STK32B: variants seen among roughly 807,000 people sequenced by gnomAD.
STK32B encodes the protein serine/threonine-protein kinase 32B.
Under a neutral mutation model 52.6 loss-of-function variants are expected in STK32B, and 43 were observed. That is an observed-to-expected ratio of 0.82 (90% CI 0.64 to 1.05). The LOEUF (loss-of-function observed/expected upper bound fraction) is 1.05. Ranked by LOEUF, STK32B falls within the 50% of genes least tolerant of loss-of-function variation. The probability of loss-of-function intolerance (pLI) is 0.00; values close to 1 mark genes in which losing one functional copy is unlikely to be tolerated. For missense variants in STK32B, 621 were observed against 534.6 expected (o/e 1.16, Z -1.59); for synonymous variants, 238 against 204.3 (o/e 1.17, Z -1.41).
Position 5,398,156 on chromosome 4 carries a change from C to T in STK32B, c.435-51C>T. ...CTGATGTGGTGCTTGTCTATGTGCT[C>T]ATCTGTGGGCTCAGGAACCACATTG... On this transcript the variant is annotated intron_variant, in intron 4 of 11. Coordinates refer to ENST00000282908, the MANE Select transcript of STK32B (RefSeq NM_018401.3). The surrounding 1 kb of genome is among the most constrained non-coding windows in gnomAD (Gnocchi z 4.9). The T allele has an allele frequency of 6.2e-7, 1 of 1,607,954 alleles. No individual in the cohort carries two copies. The highest frequency in any genetic ancestry group is 8.5e-7 in the Non-Finnish European group (1 of 1,176,078).
intron 1 of STK32B, among the ~76,000 whole-genome samples, chr4:5,080,084 G>T (rs184194664): frequency 1.3e-5 from 2 of 149,320 alleles, no homozygotes; most frequent in Non-Finnish European, 3.0e-5. Flanking sequence ...TTGTAGCCAG[G>T]TCTCAGCACA....
At chr4:5,274,651 C>T (rs78328604) in intron 3 of STK32B, among the ~76,000 whole-genome samples, 1 of 152,078 alleles carries the variant, frequency 6.6e-6, no homozygotes, top group South Asian at 2.1e-4. Context: ...GCATATAAAC[C>T]CCGGCATTGG....
chr4:5,417,328 T>G (rs917437146), intron 6 of STK32B, among the ~76,000 whole-genome samples: 4 of 152,240 alleles, frequency 2.6e-5, no homozygotes, highest in Non-Finnish European at 4.4e-5. Flanking sequence ...TAAATGGTTT[T>G]TTAAGGAATT....
In STK32B at chr4:5,258,694, T is replaced by C. The variant is rs889016496; in HGVS notation, c.261-72526T>C. ...AGCATCTCCCCAGCTTCCACCCTGG[T>C]TCAAGTCACCATCACCTCTCTCCTG... On this transcript the variant is annotated intron_variant, in intron 3 of 11. Transcript: ENST00000282908. Among the ~76,000 whole-genome samples, 6 of 152,124 alleles carry C rather than the reference T, an allele frequency of 3.9e-5. No individual in the cohort carries two copies. In the East Asian group the frequency reaches 7.7e-4, roughly 20 times the overall value.
intron 2 of STK32B, among the ~76,000 whole-genome samples, chr4:5,141,053 A>G (rs1023907800): frequency 1.3e-5 from 2 of 152,208 alleles, no homozygotes; most frequent in African/African-American, 4.8e-5. Context: ...CTGAGCTATC[A>G]ATAGGGTAGC....
intron 6 of STK32B, among the ~76,000 whole-genome samples, chr4:5,441,520 GTCTA>G (rs1374275268): frequency 3.3e-5 from 5 of 150,922 alleles, no homozygotes; most frequent in South Asian, 2.2e-4. Context: ...CTTGCTAGCA[GTCTA>G]TCTATTTTGT....
At chr4:5,145,967 A>C (rs1366834215) in intron 2 of STK32B, among the ~76,000 whole-genome samples, 2 of 152,092 alleles carry the variant, frequency 1.3e-5, no homozygotes, top group African/African-American at 4.8e-5. Context: ...TACTTTCTAA[A>C]AGTTTTATAG....
chr4:5,211,489 A>G (rs1292344544), intron 3 of STK32B, among the ~76,000 whole-genome samples: 1 of 149,454 alleles, frequency 6.7e-6, no homozygotes, highest in African/African-American at 2.4e-5. Context: ...ACAAGGAAAG[A>G]GCCAAACCAC....
At chr4:5,139,697 T>C in intron 1 of STK32B, 1 of 579,630 alleles carries the variant, frequency 1.7e-6, no homozygotes, top group Non-Finnish European at 3.1e-6. Context: ...AAGGGAAGGC[T>C]TCAGATGGAC....
chr4:5,238,700 T>C (rs564353124), intron 3 of STK32B, among the ~76,000 whole-genome samples: 1 of 152,252 alleles, frequency 6.6e-6, no homozygotes, highest in Admixed American at 6.5e-5. Flanking sequence ...AAGGCCAGCG[T>C]TTAGAATCAG....
At chr4:5,483,652 CT>C (rs1488627038) in intron 11 of STK32B, among the ~76,000 whole-genome samples, 1 of 152,052 alleles carries the variant, frequency 6.6e-6, no homozygotes, top group African/African-American at 2.4e-5. Context: ...TTTGCTCTTG[CT>C]TTTCTAGTTC....
At chr4:5,310,292 C>T (rs1201167947) in intron 3 of STK32B, among the ~76,000 whole-genome samples, 3 of 152,106 alleles carry the variant, frequency 2.0e-5, no homozygotes, top group Non-Finnish European at 4.4e-5. Context: ...ATTCAACTGA[C>T]AAGGGGTTAA....
intron 3 of STK32B, among the ~76,000 whole-genome samples, chr4:5,214,823 A>G (rs567031738): frequency 2.7e-5 from 4 of 145,462 alleles, no homozygotes; most frequent in South Asian, 2.1e-4. Context: ...AAATGCTCCA[A>G]ATTTTTGTTT....
chr4:5,019,398 T>C, the STK32B span: 9 of 1,491,778 alleles, frequency 6.0e-6, no homozygotes, highest in South Asian at 9.3e-5. Context: ...CGGCGGGGGC[T>C]CCCGCCAGGA....
In STK32B at chr4:5,238,976, G is replaced by A. The variant is rs28385525; in HGVS notation, c.260+70526G>A. ...AGAGGCATTCCTTAATGCTTTTAGA[G>A]AGATTTGGGAGGTGTCCAGAAGACA... On this transcript the variant is annotated intron_variant, in intron 3 of 11. Transcript: ENST00000282908. Among the ~76,000 whole-genome samples, 528 of 152,370 alleles carry A rather than the reference G, an allele frequency of 3.5e-3. 4 individuals carry two copies. The highest frequency in any genetic ancestry group is 0.017 in the Middle Eastern group (5 of 294).
rs1560101896 is a variant in STK32B, at chr4:5,499,752, T to TTTAG, written c.*672_*675dup. 1 of 152,304 alleles carries TTTAG rather than the reference T, an allele frequency of 6.6e-6. No individual in the cohort carries two copies. The highest frequency in any genetic ancestry group is 1.5e-5 in the Non-Finnish European group (1 of 68,140). 9.4% of individuals were successfully genotyped at this position (152,304 alleles called of 1,614,324 possible). ...TCATTTAAGAAGACTATCCTTACCT[T>TTTAG]TTAGTTTCAGCAGTCCTCACCACCA... On this transcript the variant is annotated 3_prime_UTR_variant, in exon 12 of 12. Coordinates refer to ENST00000282908, the MANE Select transcript of STK32B (RefSeq NM_018401.3).
At chr4:5,185,810 C>A (rs12650617) in intron 3 of STK32B, among the ~76,000 whole-genome samples, 39,978 of 152,112 alleles carry the variant, frequency 0.26, 5,384 homozygotes, top group East Asian at 0.35. Context: ...GCTCCCGAAG[C>A]CCTCAGAATG....
chr4:5,052,163 A>T (rs1054045613), intron 1 of STK32B, among the ~76,000 whole-genome samples: 2 of 152,174 alleles, frequency 1.3e-5, no homozygotes, highest in Admixed American at 6.5e-5. Context: ...AGGCGGCTTC[A>T]GAGAGTTGAA....
At position 5,322,271 on chromosome 4, in the gene STK32B, C is replaced by G. The variant is rs1244510434; in HGVS notation, c.261-8949C>G. Among the ~76,000 whole-genome samples, 7 of 152,284 alleles carry G rather than the reference C, an allele frequency of 4.6e-5. No individual in the cohort carries two copies. The Middle Eastern group carries it at 0.014, about 296-fold the overall frequency. ...TTTTTCCTCGTACAATATGAGCTGTCAGAAGGCCGAGCGCTCCATTGTTGG... is the reference window on the plus strand; with the variant it reads ...TTTTTCCTCGTACAATATGAGCTGTGAGAAGGCCGAGCGCTCCATTGTTGG... On this transcript the variant is annotated intron_variant, in intron 3 of 11. Coordinates refer to ENST00000282908, the MANE Select transcript of STK32B (RefSeq NM_018401.3).
Sources: allele counts gnomAD v4.1 joint callset (sites outside exome capture counted in the v4.1 genomes callset), GRCh38; gene constraint gnomAD v4.1.1; non-coding constraint Gnocchi (gnomAD v3.1); transcripts MANE v1.5; gene names NCBI Gene and HGNC (gene_info 2026-07-23, HGNC 2026-07-21).